The following AGAP1 variants were observed in gnomAD, a reference collection of about 807,000 sequenced individuals.
AGAP1 encodes arf-GAP with GTPase, ANK repeat and PH domain-containing protein 1.
In AGAP1, 29 loss-of-function variants were observed where a neutral mutation model predicts 105.3. That is an observed-to-expected ratio of 0.28 (90% CI 0.21 to 0.38). The LOEUF is 0.38. AGAP1 is among the 10% of genes least tolerant of loss of function. The pLI is 1.00. For synonymous variants in AGAP1, 509 were observed against 485.9 expected (o/e 1.05, Z -0.63); for missense variants, 998 against 1,165.1 (o/e 0.86, Z 2.09).
At position 235,967,693 on chromosome 2, in the gene AGAP1, T is replaced by TGGG. The variant is rs1185986078; in HGVS notation, c.1484-768_1484-766dup. On this transcript the variant is annotated intron_variant, in intron 12 of 17. Transcript: ENST00000304032. The surrounding 1 kb of genome is among the most constrained non-coding windows in gnomAD (Gnocchi z 4.7). Reference sequence around the variant, plus strand: ...ACCTGTTTTTCCTGCACGTTTTCAGTGGGCTTTTTTCCACCCGGCTTGAAT... The same window carrying TGGG: ...ACCTGTTTTTCCTGCACGTTTTCAGTGGGGGGCTTTTTTCCACCCGGCTTGAAT... Among the ~76,000 whole-genome samples, 1 of 152,216 alleles carries TGGG rather than the reference T, an allele frequency of 6.6e-6. No homozygotes were observed. The highest frequency in any genetic ancestry group is 1.5e-5 in the Non-Finnish European group (1 of 68,030).
At chr2:235,726,644 G>A (rs1172885109) in intron 3 of AGAP1, among the ~76,000 whole-genome samples, 3 of 152,086 alleles carry the variant, frequency 2.0e-5, no homozygotes, top group Non-Finnish European at 4.4e-5. Context: ...CCAGCTCCAG[G>A]TCCAGGAAAC....
intron 13 of AGAP1, among the ~76,000 whole-genome samples, chr2:236,029,183 G>GT (rs749576640): frequency 2.3e-3 from 330 of 144,208 alleles, no homozygotes; most frequent in Middle Eastern, 3.5e-3. Flanking sequence ...TTTTTATTTA[G>GT]TTTTTTTTTT....
chr2:235,737,889 G>A lies in AGAP1; in HGVS notation c.311-3074G>A, dbSNP rs1306056964. ...TGGGGCCAGCGTGCTTGGACAAGAC[G>A]AAGCCTCATCAAAGTTGAACCTTAG... On this transcript the variant is annotated intron_variant, in intron 3 of 17. Transcript: ENST00000304032. The surrounding 1 kb of genome is among the most constrained non-coding windows in gnomAD (Gnocchi z 4.5). Among the ~76,000 whole-genome samples the A allele has an allele frequency of 6.6e-6, 1 of 151,984 alleles. No individual in the cohort carries two copies. The highest frequency in any genetic ancestry group is 2.4e-5 in the African/African-American group (1 of 41,380).
At chr2:235,794,808 T>A (rs1957168247) in intron 6 of AGAP1, among the ~76,000 whole-genome samples, 1 of 152,168 alleles carries the variant, frequency 6.6e-6, no homozygotes, top group African/African-American at 2.4e-5. Context: ...CACGTGATTG[T>A]GTTTCTGATC....
In AGAP1 at chr2:235,601,693, A is replaced by G. The variant is rs546987635; in HGVS notation, c.163+106844A>G. 6.6e-6 allele frequency among the ~76,000 whole-genome samples: 1 copy of G among 152,260 alleles called. No homozygotes were observed. Among genetic ancestry groups the G allele is most frequent in the East Asian group, 1.9e-4 (1 of 5,176 alleles). On this transcript the variant is annotated intron_variant, in intron 1 of 17. Transcript: ENST00000304032. This position sits in a 1 kb window ranked among gnomAD's most constrained non-coding sequence, Gnocchi z 4.4. The stretch of plus-strand genomic sequence containing the variant: ...ATTTGGGTGGGGACACAGCCAAACC[A>G]TATCACCAGTCCGTGGAGCCAGGTG...
chr2:236,002,449 G>C lies in AGAP1; in HGVS notation c.1645+33826G>C, dbSNP rs182488742. Among the ~76,000 whole-genome samples, 1 of 152,202 alleles carries C rather than the reference G, an allele frequency of 6.6e-6. No individual in the cohort carries two copies. Among genetic ancestry groups the C allele is most frequent in the South Asian group, 2.1e-4 (1 of 4,818 alleles). ...CACATGTGTGAGTAGGGGAGAGGCT[G>C]TGTGTTTTCATAAGCGAATCCTGAT... On this transcript the variant is annotated intron_variant, in intron 13 of 17. Coordinates refer to ENST00000304032, the MANE Select transcript of AGAP1 (RefSeq NM_001037131.3). The surrounding 1 kb of genome is among the most constrained non-coding windows in gnomAD (Gnocchi z 4.3).
At chr2:236,093,609 G>A (rs924675100) in intron 16 of AGAP1, among the ~76,000 whole-genome samples, 2 of 152,202 alleles carry the variant, frequency 1.3e-5, no homozygotes, top group African/African-American at 4.8e-5. Context: ...AGGTATAAGA[G>A]GATGACCAAA....
intron 1 of AGAP1, among the ~76,000 whole-genome samples, chr2:235,497,660 A>G (rs1421851535): frequency 2.0e-5 from 3 of 152,168 alleles, no homozygotes; most frequent in African/African-American, 2.4e-5. Context: ...GCAGCGGCGC[A>G]ATCTCGGCTC....
At chr2:235,816,242 CCTGA>C (rs1376858854) in intron 9 of AGAP1, among the ~76,000 whole-genome samples, 7 of 151,236 alleles carry the variant, frequency 4.6e-5, no homozygotes, top group African/African-American at 1.5e-4. Context: ...TCGAGACCAT[CCTGA>C]CTAACATGGT....
Position 235,977,200 on chromosome 2 carries a change from C to T in AGAP1, c.1645+8577C>T, listed in dbSNP as rs906370219. 6.6e-6 allele frequency among the ~76,000 whole-genome samples: 1 copy of T among 152,076 alleles called. No homozygotes were observed. Among genetic ancestry groups the T allele is most frequent in the Non-Finnish European group, 1.5e-5 (1 of 68,010 alleles). ...ACCCTGGGATTGGAATTCGGGCTAG[C>T]TTGGGAGACCCTGCATTGGTCGACT... On this transcript the variant is annotated intron_variant, in intron 13 of 17. Transcript: ENST00000304032. This position sits in a 1 kb window ranked among gnomAD's most constrained non-coding sequence, Gnocchi z 5.2.
rs568898772 is a variant in AGAP1 at position 235,919,064 on chromosome 2, C to T, written c.1324+10158C>T. Among the ~76,000 whole-genome samples the T allele has an allele frequency of 2.6e-5, 4 of 152,270 alleles. No homozygotes were observed. Among genetic ancestry groups the T allele is most frequent in the African/African-American group, 9.6e-5 (4 of 41,560 alleles). ...GTGTGGGCAGGGAGGAATAGTGTTT[C>T]AGCTGCTGAACTGATGCTTCCGAGA... On this transcript the variant is annotated intron_variant, in intron 11 of 17. Coordinates refer to ENST00000304032, the MANE Select transcript of AGAP1 (RefSeq NM_001037131.3). The surrounding 1 kb of genome is among the most constrained non-coding windows in gnomAD (Gnocchi z 4.1).
chr2:236,091,073 C>T (rs1216432493), intron 16 of AGAP1, among the ~76,000 whole-genome samples: 1 of 152,220 alleles, frequency 6.6e-6, no homozygotes, highest in Non-Finnish European at 1.5e-5. Context: ...CTGAACACAT[C>T]AATCCGCTGC....
intron 13 of AGAP1, among the ~76,000 whole-genome samples, chr2:236,015,083 A>C (rs1420045060): frequency 6.6e-6 from 1 of 152,006 alleles, no homozygotes; most frequent in Admixed American, 6.6e-5. Flanking sequence ...TGTTCCTTTC[A>C]GCTTACTTAA....
chr2:235,883,037 G>A lies in AGAP1; in HGVS notation c.1051-308G>A, dbSNP rs1251707274. 3.0e-4 allele frequency among the ~76,000 whole-genome samples: 45 copies of A among 151,806 alleles called. No individual in the cohort carries two copies. Among genetic ancestry groups the A allele is most frequent in the Non-Finnish European group, 1.5e-4 (10 of 67,946 alleles). ...GGGTGTCAGCATCTTACCCAGGCTG[G>A]TCTCGAACTCTTGGGCTCAAACGAT... On this transcript the variant is annotated intron_variant, in intron 9 of 17. Transcript: ENST00000304032. The surrounding 1 kb of genome is among the most constrained non-coding windows in gnomAD (Gnocchi z 4.5).
Position 235,551,312 on chromosome 2 carries a change from T to A in AGAP1, c.163+56463T>A, listed in dbSNP as rs1943800851. On this transcript the variant is annotated intron_variant, in intron 1 of 17. Transcript: ENST00000304032. This position sits in a 1 kb window ranked among gnomAD's most constrained non-coding sequence, Gnocchi z 4.8. ...GGTGAGGAGAGAGGGGCTAGACAGA[T>A]TTTTTTTTTTGAGACAAGGTCTCAC... Among the ~76,000 whole-genome samples the A allele has an allele frequency of 1.5e-5, 2 of 132,532 alleles. No individual in the cohort carries two copies. Among genetic ancestry groups the A allele is most frequent in the South Asian group, 4.3e-4 (2 of 4,618 alleles). 86.9% of individuals were successfully genotyped at this position (132,532 alleles called of 152,430 possible).
chr2:235,759,342 T>G (rs1168629082), intron 6 of AGAP1, among the ~76,000 whole-genome samples: 2 of 151,868 alleles, frequency 1.3e-5, no homozygotes, highest in Non-Finnish European at 2.9e-5. Context: ...CTAATTTTTT[T>G]GTATTTTTAG....
chr2:235,746,426 C>T (rs370245207), intron 5 of AGAP1, among the ~76,000 whole-genome samples: 1 of 96,740 alleles, frequency 1.0e-5, no homozygotes, highest in Non-Finnish European at 2.0e-5. Flanking sequence ...CGTACGTGGT[C>T]GCTCTCACTC....
Position 236,126,059 on chromosome 2 carries a change from GA to G in AGAP1, c.*1944del, listed in dbSNP as rs1289136451. The G allele has an allele frequency of 1.3e-5, 2 of 151,988 alleles. No homozygotes were observed. Among genetic ancestry groups the G allele is most frequent in the Non-Finnish European group, 2.9e-5 (2 of 68,004 alleles). 9.4% of individuals were successfully genotyped at this position (151,988 alleles called of 1,614,324 possible). ...TTTAAAAAAAATTAAAGTAGGTGGG[GA>G]AAAAAATAAAGCTTTACACAGAATT... On this transcript the variant is annotated 3_prime_UTR_variant, in exon 18 of 18. Transcript: ENST00000304032.
At position 235,938,099 on chromosome 2, in the gene AGAP1, G is replaced by A. The variant is rs1172598426; in HGVS notation, c.1483+7176G>A. On this transcript the variant is annotated intron_variant, in intron 12 of 17. Transcript: ENST00000304032. Reference sequence around the variant, plus strand: ...TCTCAGAGCATCCGCCTGGCGGCACGGCCGGTTCAGCGGCAGTCCTGCTGC... The same window carrying A: ...TCTCAGAGCATCCGCCTGGCGGCACAGCCGGTTCAGCGGCAGTCCTGCTGC... 1.1e-4 allele frequency among the ~76,000 whole-genome samples: 17 copies of A among 152,244 alleles called. No homozygotes were observed. The East Asian group carries it at 1.3e-3, about 12-fold the overall frequency.
Sources: allele counts gnomAD v4.1 joint callset (sites outside exome capture counted in the v4.1 genomes callset), GRCh38; gene constraint gnomAD v4.1.1; non-coding constraint Gnocchi (gnomAD v3.1); transcripts MANE v1.5; gene names NCBI Gene and HGNC (gene_info 2026-07-23, HGNC 2026-07-21).